Variants in OPA1 observed in about 807,000 individuals in gnomAD.
OPA1 encodes the protein OPA1 mitochondrial dynamin like GTPase, also known as dynamin-like GTPase OPA1, mitochondrial.
Under a neutral mutation model 152.9 loss-of-function variants are expected in OPA1, and 59 were observed. That is an observed-to-expected ratio of 0.39 (90% CI 0.31 to 0.48). The LOEUF is 0.48. Among genes scored for constraint, OPA1 ranks in the 20% least tolerant of loss-of-function variants. The pLI is 0.96. For missense variants in OPA1, 1,008 were observed against 1,216.8 expected (o/e 0.83, Z 2.55); for synonymous variants, 400 against 389.9 (o/e 1.03, Z -0.31).
intron 26 of OPA1, among the ~76,000 whole-genome samples, chr3:193,664,370 CAG>C (rs1304521176): frequency 1.3e-5 from 2 of 151,764 alleles, no homozygotes; most frequent in Non-Finnish European, 2.9e-5. Flanking sequence ...CAAAAAAGGA[CAG>C]AGGGTATTAA....
chr3:193,653,995 A>G (rs573798221), intron 21 of OPA1, among the ~76,000 whole-genome samples: 4 of 152,174 alleles, frequency 2.6e-5, no homozygotes, highest in Non-Finnish European at 5.9e-5. Flanking sequence ...AAAAAATTAA[A>G]CATGTAATTA....
chr3:193,648,690 A>G (rs1711640130), intron 20 of OPA1, 105 bp from the exon 21 acceptor site: 1 of 789,338 alleles, frequency 1.3e-6, no homozygotes, highest in African/African-American at 1.7e-5. Flanking sequence ...ATTAAACCCA[A>G]ATTCAGCCTA....
In OPA1 at chr3:193,696,505, C is replaced by T. The variant is rs1722262356; in HGVS notation, c.*1905C>T. ...TGCCCCACAGTAATGTGGCTTCTTT[C>T]ATGGGTTTTTTTTTCTTCTTTTTAG... On this transcript the variant is annotated 3_prime_UTR_variant, in exon 31 of 31. Coordinates refer to ENST00000361510, the MANE Select transcript of OPA1 (RefSeq NM_130837.3). 1 of 152,168 alleles carries T rather than the reference C, an allele frequency of 6.6e-6. No homozygotes were observed. Among genetic ancestry groups the T allele is most frequent in the South Asian group, 2.1e-4 (1 of 4,830 alleles). The allele number at this position is 152,168 out of a possible 1,614,324, so 9.4% of individuals were successfully genotyped here. A position where few individuals can be genotyped will look rare whatever the true frequency, so the allele number is the denominator to read the frequency against.
chr3:193,652,779 G>C (rs1712836741), intron 21 of OPA1, among the ~76,000 whole-genome samples: 1 of 152,148 alleles, frequency 6.6e-6, no homozygotes, highest in Admixed American at 6.5e-5. Flanking sequence ...GTCTGAGACA[G>C]AGGACAGCAG....
chr3:193,677,291 C>CTTTTTTTT (rs752472474), intron 29 of OPA1, among the ~76,000 whole-genome samples: 9 of 125,452 alleles, frequency 7.2e-5, no homozygotes, highest in East Asian at 2.3e-4. Context: ...TCTTTTACTT[C>CTTTTTTTT]TTTTTTTTTT....
intron 5 of OPA1, 37 bp from the exon 6 acceptor site, chr3:193,618,832 A>G: frequency 1.3e-6 from 2 of 1,523,968 alleles, no homozygotes; most frequent in Non-Finnish European, 1.8e-6. Flanking sequence ...TGTTGACATC[A>G]CTGGAGAATG....
intron 7 of OPA1, among the ~76,000 whole-genome samples, chr3:193,630,874 G>T (rs946574031): frequency 6.6e-6 from 1 of 151,972 alleles, no homozygotes; most frequent in Non-Finnish European, 1.5e-5. Flanking sequence ...TTTTATTTTA[G>T]AATTATTAGC....
At chr3:193,602,094 T>C (rs1726551472) in intron 1 of OPA1, among the ~76,000 whole-genome samples, 1 of 152,200 alleles carries the variant, frequency 6.6e-6, no homozygotes, top group Admixed American at 6.5e-5. Flanking sequence ...TTCATGGTGG[T>C]AGAGAAGTCT....
chr3:193,656,041 C>T lies in OPA1; in HGVS notation c.2178+1014C>T, dbSNP rs954058285. On this transcript the variant is annotated intron_variant, in intron 22 of 30. Coordinates refer to ENST00000361510, the MANE Select transcript of OPA1 (RefSeq NM_130837.3). ...CAGCAGCCTCCCTGCCTAAGTTGCACGTTGCTGAGCCCTGGCAGTTCTTGA... is the reference window on the plus strand; with the variant it reads ...CAGCAGCCTCCCTGCCTAAGTTGCATGTTGCTGAGCCCTGGCAGTTCTTGA... Among the ~76,000 whole-genome samples the T allele has an allele frequency of 1.3e-4, 20 of 152,268 alleles. No homozygotes were observed. The East Asian group carries it at 2.7e-3, about 21-fold the overall frequency.
chr3:193,653,936 A>G (rs1713145775), intron 21 of OPA1, among the ~76,000 whole-genome samples: 1 of 152,160 alleles, frequency 6.6e-6, no homozygotes, highest in Non-Finnish European at 1.5e-5. Context: ...AGGATCTAGA[A>G]CTCTCATTCT....
chr3:193,624,530 A>G (rs1179268415), intron 6 of OPA1, among the ~76,000 whole-genome samples: 1 of 152,208 alleles, frequency 6.6e-6, no homozygotes, highest in Non-Finnish European at 1.5e-5. Flanking sequence ...TGATAAAGCA[A>G]TAATTTTTTT....
At chr3:193,607,484 G>T (rs1218281865) in intron 1 of OPA1, among the ~76,000 whole-genome samples, 2 of 152,206 alleles carry the variant, frequency 1.3e-5, no homozygotes, top group African/African-American at 4.8e-5. Flanking sequence ...TCTACATATG[G>T]CTAGCCAGTT....
intron 1 of OPA1, among the ~76,000 whole-genome samples, chr3:193,597,263 G>A (rs1221185859): frequency 6.6e-6 from 1 of 152,164 alleles, no homozygotes; most frequent in African/African-American, 2.4e-5. Flanking sequence ...GCCCAGGGGA[G>A]AGGAATTTTC....
chr3:193,693,235 A>C (rs1475640955), intron 30 of OPA1, among the ~76,000 whole-genome samples: 1 of 152,256 alleles, frequency 6.6e-6, no homozygotes. Context: ...AAAGGGAAGT[A>C]CAACTTCCAT....
intron 1 of OPA1, among the ~76,000 whole-genome samples, chr3:193,610,831 G>C (rs1728113451): frequency 6.6e-6 from 1 of 152,258 alleles, no homozygotes; most frequent in African/African-American, 2.4e-5. Context: ...AGGACCCGCT[G>C]AGCCAGGCGC....
rs568049619 is a variant in OPA1 at position 193,648,784 on chromosome 3, A to C, written c.1936-11A>C. On this transcript the variant is annotated splice_polypyrimidine_tract_variant and intron_variant, in intron 20 of 30. Coordinates refer to ENST00000361510, the MANE Select transcript of OPA1 (RefSeq NM_130837.3). Reference sequence around the variant, plus strand: ...ATGGAAATCTTACTTACTTGTATTTATATTGCCTAGAATGAACTATTTGAA... The same window carrying C: ...ATGGAAATCTTACTTACTTGTATTTCTATTGCCTAGAATGAACTATTTGAA... 9 of 1,538,536 alleles carry C rather than the reference A, an allele frequency of 5.8e-6. No homozygotes were observed. Among genetic ancestry groups the C allele is most frequent in the Non-Finnish European group, 8.1e-6 (9 of 1,112,008 alleles).
rs1370942886 is a variant in OPA1, at chr3:193,696,131, C to T, written c.*1531C>T. The T allele has an allele frequency of 6.6e-6, 1 of 152,186 alleles. No homozygotes were observed. Among genetic ancestry groups the T allele is most frequent in the African/African-American group, 2.4e-5 (1 of 41,442 alleles). 9.4% of individuals were successfully genotyped at this position (152,186 alleles called of 1,614,324 possible). A position where few individuals can be genotyped will look rare whatever the true frequency, so the allele number is the denominator to read the frequency against. On this transcript the variant is annotated 3_prime_UTR_variant, in exon 31 of 31. Transcript: ENST00000361510. ...TTAGGAGATGACCTTACTGGGTACACCCCTCTAACCAGTGCTTACAGGTTA... is the reference window on the plus strand; with the variant it reads ...TTAGGAGATGACCTTACTGGGTACATCCCTCTAACCAGTGCTTACAGGTTA...
At chr3:193,650,839 T>C (rs1387531709) in intron 21 of OPA1, among the ~76,000 whole-genome samples, 1 of 152,212 alleles carries the variant, frequency 6.6e-6, no homozygotes, top group Non-Finnish European at 1.5e-5. Flanking sequence ...ACCAGCAATG[T>C]AGACATATCT....
chr3:193,675,787 C>T (rs1718868279), intron 29 of OPA1, among the ~76,000 whole-genome samples: 1 of 152,208 alleles, frequency 6.6e-6, no homozygotes, highest in Admixed American at 6.5e-5. Flanking sequence ...TTCATAAATT[C>T]CCCATACCTC....
Sources: gnomAD v4.1 joint callset for allele counts (sites outside exome capture counted in the v4.1 genomes callset) on GRCh38, gnomAD v4.1.1 for gene constraint, MANE v1.5 for transcripts, NCBI Gene and HGNC (gene_info 2026-07-23, HGNC 2026-07-21) for gene names.